The following AP3S1 variants were observed in gnomAD, a reference collection of about 807,000 sequenced individuals.
AP3S1 encodes the protein AP-3 complex subunit sigma-1.
AP3S1 carries 12 observed loss-of-function variants against 21.3 expected under a neutral mutation model. The ratio of observed to expected loss-of-function variants is 0.56; its 90% CI spans 0.36 to 0.91. AP3S1 has a LOEUF of 0.91. AP3S1 is among the 40% of genes least tolerant of loss of function. AP3S1 has a pLI of 0.01. For synonymous variants in AP3S1, 48 were observed against 78.4 expected (o/e 0.61, Z 2.05); for missense variants, 116 against 225.0 (o/e 0.52, Z 3.10).
chr5:115,906,094 G>A (rs1252950030), intron 5 of AP3S1, among the ~76,000 whole-genome samples: 1 of 152,180 alleles, frequency 6.6e-6, no homozygotes, highest in East Asian at 1.9e-4. Context: ...GGAGGCGGAG[G>A]TTGCAGTGAG....
chr5:115,874,601 G>C (rs942013355), intron 3 of AP3S1, among the ~76,000 whole-genome samples: 1 of 151,914 alleles, frequency 6.6e-6, no homozygotes, highest in Non-Finnish European at 1.5e-5. Context: ...AGAAAGATAC[G>C]TTCTGACCAT....
At chr5:115,850,314 T>C (rs974005873) in intron 1 of AP3S1, among the ~76,000 whole-genome samples, 4 of 152,222 alleles carry the variant, frequency 2.6e-5, no homozygotes, top group Non-Finnish European at 5.9e-5. Flanking sequence ...CATTAATATA[T>C]CTTAGTGTGA....
At position 115,841,994 on chromosome 5, in the gene AP3S1, C is replaced by G. The variant is rs11555657; in HGVS notation, c.-44C>G. 1 of 1,561,410 alleles carries G rather than the reference C, an allele frequency of 6.4e-7. No homozygotes were observed. Among genetic ancestry groups the G allele is most frequent in the Non-Finnish European group, 8.7e-7 (1 of 1,154,510 alleles). On this transcript the variant is annotated 5_prime_UTR_variant, in exon 1 of 6. Transcript: ENST00000316788. ...ACGAGGCGAGGCTCGCGCGCCCGCC[C>G]CCGCCCTGGCCCCCAGTGCCCACCC...
At chr5:115,901,722 T>C (rs12523122) in intron 4 of AP3S1, among the ~76,000 whole-genome samples, 16,452 of 151,960 alleles carry the variant, frequency 0.11, 1,566 homozygotes, top group East Asian at 0.33. Context: ...GCCTGGCTAA[T>C]TGTCTGCATT....
At chr5:115,884,650 T>C (rs1280608287) in intron 3 of AP3S1, among the ~76,000 whole-genome samples, 1 of 152,272 alleles carries the variant, frequency 6.6e-6, no homozygotes, top group Non-Finnish European at 1.5e-5. Flanking sequence ...CCTAGTCTGT[T>C]AAGTATTCTT....
chr5:115,865,442 A>G (rs902289641), intron 1 of AP3S1, among the ~76,000 whole-genome samples: 1 of 152,146 alleles, frequency 6.6e-6, no homozygotes, highest in African/African-American at 2.4e-5. Context: ...GTAATTGCCA[A>G]TGTGCAATTG....
chr5:115,872,879 A>C (rs1385110937), intron 3 of AP3S1, among the ~76,000 whole-genome samples: 3 of 152,218 alleles, frequency 2.0e-5, no homozygotes, highest in Admixed American at 6.5e-5. Flanking sequence ...AAAAAAAATT[A>C]ATATAGAACC....
At chr5:115,873,081 T>C (rs1748410818) in intron 3 of AP3S1, among the ~76,000 whole-genome samples, 1 of 152,156 alleles carries the variant, frequency 6.6e-6, no homozygotes. Context: ...CCAAAACAAA[T>C]GTGTCTTTTC....
At chr5:115,875,315 G>C (rs1382696280) in intron 3 of AP3S1, among the ~76,000 whole-genome samples, 1 of 152,144 alleles carries the variant, frequency 6.6e-6, no homozygotes, top group African/African-American at 2.4e-5. Flanking sequence ...AAAGGTCTCT[G>C]ATCTTCCCAG....
intron 1 of AP3S1, among the ~76,000 whole-genome samples, chr5:115,844,846 C>T (rs899196369): frequency 6.6e-6 from 1 of 152,122 alleles, no homozygotes; most frequent in Non-Finnish European, 1.5e-5. Context: ...TATAATTCCT[C>T]GTGGCAGCCA....
chr5:115,853,566 G>A (rs905069699), intron 1 of AP3S1, among the ~76,000 whole-genome samples: 11 of 152,106 alleles, frequency 7.2e-5, no homozygotes, highest in African/African-American at 2.4e-4. Flanking sequence ...TTGTAACTGT[G>A]TTTCCTTTCA....
chr5:115,854,184 C>G (rs1330177166), intron 1 of AP3S1, among the ~76,000 whole-genome samples: 1 of 152,220 alleles, frequency 6.6e-6, no homozygotes, highest in Middle Eastern at 3.4e-3. Flanking sequence ...CCCTCATGAC[C>G]TTATCACCTT....
intron 3 of AP3S1, among the ~76,000 whole-genome samples, chr5:115,875,187 G>T (rs1273385859): frequency 6.6e-6 from 1 of 151,750 alleles, no homozygotes; most frequent in African/African-American, 2.4e-5. Context: ...AAGCATTTTT[G>T]AATCTTTTTA....
chr5:115,902,826 C>A (rs1429765443), intron 4 of AP3S1, 59 bp from the exon 5 acceptor site: 2 of 1,250,036 alleles, frequency 1.6e-6, no homozygotes, highest in African/African-American at 1.5e-5. Flanking sequence ...AAAAGTGAAT[C>A]ATGAAACTTC....
intron 4 of AP3S1, among the ~76,000 whole-genome samples, chr5:115,897,030 T>A (rs1750809233): frequency 6.6e-6 from 1 of 152,212 alleles, no homozygotes; most frequent in Non-Finnish European, 1.5e-5. Flanking sequence ...TGACACAAAA[T>A]GTTTTTAAAA....
chr5:115,877,257 T>C (rs899010798), intron 3 of AP3S1, among the ~76,000 whole-genome samples: 1 of 152,128 alleles, frequency 6.6e-6, no homozygotes, highest in Non-Finnish European at 1.5e-5. Flanking sequence ...TACATAGGTA[T>C]ACACATGCCA....
chr5:115,909,120 A>G, intron 5 of AP3S1: 1 of 325,660 alleles, frequency 3.1e-6, no homozygotes, highest in Non-Finnish European at 4.4e-6. Context: ...AGATGGTAGG[A>G]TGGTATTTTA....
intron 5 of AP3S1, among the ~76,000 whole-genome samples, chr5:115,913,114 A>G (rs1752232015): frequency 6.6e-6 from 1 of 152,166 alleles, no homozygotes; most frequent in South Asian, 2.1e-4. Flanking sequence ...GGTAGTGCAC[A>G]TTAATTTGTA....
At chr5:115,863,225 C>T (rs1041665243) in intron 1 of AP3S1, among the ~76,000 whole-genome samples, 4 of 151,944 alleles carry the variant, frequency 2.6e-5, no homozygotes, top group African/African-American at 4.8e-5. Flanking sequence ...GGTGAAACCT[C>T]GTCTCTACTA....
Sources: gnomAD v4.1 joint callset for allele counts (sites outside exome capture counted in the v4.1 genomes callset) on GRCh38, gnomAD v4.1.1 for gene constraint, MANE v1.5 for transcripts, NCBI Gene and HGNC (gene_info 2026-07-23, HGNC 2026-07-21) for gene names.